The following CAMTA1 variants were observed in gnomAD, a reference collection of about 807,000 sequenced individuals.
The protein encoded by CAMTA1 is calmodulin-binding transcription activator 1.
Under a neutral mutation model 170.9 loss-of-function variants are expected in CAMTA1, and 27 were observed. The observed-to-expected ratio is 0.16, with a 90% confidence interval of 0.12 to 0.22. CAMTA1 has a LOEUF of 0.22. Ranked by LOEUF, CAMTA1 falls within the 10% of genes least tolerant of loss-of-function variation. The pLI, the probability that CAMTA1 is intolerant of heterozygous loss-of-function variation, is 1.00. For missense variants in CAMTA1, 1,619 were observed against 2,217.2 expected (o/e 0.73, Z 5.42); for synonymous variants, 833 against 891.5 (o/e 0.93, Z 1.17).
At position 7,014,167 on chromosome 1, in the gene CAMTA1, TG is replaced by T. The variant is rs1322343350; in HGVS notation, c.235-77135del. The T allele has an allele frequency of 1.3e-5, 2 of 152,312 alleles. No homozygotes were observed. The highest frequency in any genetic ancestry group is 4.8e-5 in the African/African-American group (2 of 41,456). 9.4% of individuals were successfully genotyped at this position (152,312 alleles called of 1,614,324 possible). ...GTGCCTCAGAGGGTGCCCTCAGCCGTGGCAGAAGCCACAGCCTGGGTTTGGG... is the reference window on the plus strand; with the variant it reads ...GTGCCTCAGAGGGTGCCCTCAGCCGTGCAGAAGCCACAGCCTGGGTTTGGG... On this transcript the variant is annotated intron_variant, in intron 3 of 22. Transcript: ENST00000303635. This position sits in a 1 kb window ranked among gnomAD's most constrained non-coding sequence, Gnocchi z 4.2.
chr1:7,096,439 C>T (rs1438531949), intron 4 of CAMTA1, among the ~76,000 whole-genome samples: 5 of 152,184 alleles, frequency 3.3e-5, no homozygotes, highest in Admixed American at 6.5e-5. Context: ...TCCCCACATC[C>T]GACTCTGTCT....
chr1:6,845,906 T>G (rs1201918994), intron 3 of CAMTA1, among the ~76,000 whole-genome samples: 1 of 152,206 alleles, frequency 6.6e-6, no homozygotes, highest in Non-Finnish European at 1.5e-5. Flanking sequence ...TTTAATGGAC[T>G]CACAATTCCA....
chr1:6,843,500 A>G (rs927719919), intron 3 of CAMTA1, among the ~76,000 whole-genome samples: 4 of 152,230 alleles, frequency 2.6e-5, no homozygotes, highest in Admixed American at 2.0e-4. Context: ...CAGAATAGAG[A>G]TTGGCTGTTA....
In CAMTA1 at chr1:7,476,941, G is replaced by A. The variant is rs867407263; in HGVS notation, c.510+9040G>A. On this transcript the variant is annotated intron_variant, in intron 6 of 22. Transcript: ENST00000303635. Reference sequence around the variant, plus strand: ...GGTCTGTGCTTCAGGTCAGGCCTCCGCAGCCCCCGCCATGCAGAGGGAAGG... The same window carrying A: ...GGTCTGTGCTTCAGGTCAGGCCTCCACAGCCCCCGCCATGCAGAGGGAAGG... 7.9e-5 allele frequency among the ~76,000 whole-genome samples: 12 copies of A among 152,262 alleles called. No homozygotes were observed. The South Asian group carries it at 2.3e-3, about 29-fold the overall frequency.
rs568567595 is a variant in CAMTA1, at chr1:7,033,398, T to G, written c.235-57906T>G. ...CTGTTTAATTCTCCCATATCTCTTT[T>G]TAATGTTTAATCTTCATACCCACTA... On this transcript the variant is annotated intron_variant, in intron 3 of 22. Transcript: ENST00000303635. Among the ~76,000 whole-genome samples the G allele has an allele frequency of 2.6e-5, 4 of 152,220 alleles. No individual in the cohort carries two copies. The South Asian group carries it at 8.3e-4, about 32-fold the overall frequency.
At chr1:7,491,882 G>A (rs902770642) in intron 6 of CAMTA1, among the ~76,000 whole-genome samples, 4 of 152,160 alleles carry the variant, frequency 2.6e-5, no homozygotes, top group African/African-American at 7.2e-5. Flanking sequence ...CCCTTCTGCC[G>A]AGGCTTTGGT....
chr1:7,539,864 CAGGTAGA>C (rs1486626975), intron 6 of CAMTA1, among the ~76,000 whole-genome samples: 1 of 152,190 alleles, frequency 6.6e-6, no homozygotes, highest in Non-Finnish European at 1.5e-5. Flanking sequence ...ACTAGCGGGC[CAGGTAGA>C]AGGTTGGCCT....
At chr1:7,111,904 A>G (rs998875598) in intron 4 of CAMTA1, among the ~76,000 whole-genome samples, 3 of 148,924 alleles carry the variant, frequency 2.0e-5, no homozygotes, top group Non-Finnish European at 3.0e-5. Context: ...AAAAAAAAAA[A>G]AAAAAAAACC....
rs1666338532 is a variant in CAMTA1 at position 7,249,720 on chromosome 1, C to T, written c.438+94C>T. 1 of 1,423,872 alleles carries T rather than the reference C, an allele frequency of 7.0e-7. No homozygotes were observed. Among genetic ancestry groups the T allele is most frequent in the Non-Finnish European group, 9.4e-7 (1 of 1,058,908 alleles). 88.2% of individuals were successfully genotyped at this position (1,423,872 alleles called of 1,614,324 possible). A position where few individuals can be genotyped will look rare whatever the true frequency, so the allele number is the denominator to read the frequency against. ...CTTGGAGTAATTTGATGCGAGTCAC[C>T]TCTGTCCAAAGAATTTTTGTTTGCC... On this transcript the variant is annotated intron_variant, in intron 5 of 22. Transcript: ENST00000303635. This position sits in a 1 kb window ranked among gnomAD's most constrained non-coding sequence, Gnocchi z 4.4.
chr1:7,001,415 C>T (rs922133405), intron 3 of CAMTA1, among the ~76,000 whole-genome samples: 6 of 152,244 alleles, frequency 3.9e-5, no homozygotes, highest in East Asian at 3.8e-4. Flanking sequence ...CCACTTTGCA[C>T]GCTGACCTGC....
intron 5 of CAMTA1, among the ~76,000 whole-genome samples, chr1:7,264,652 T>C (rs1235455859): frequency 6.6e-6 from 1 of 152,246 alleles, no homozygotes; most frequent in Non-Finnish European, 1.5e-5. Flanking sequence ...ATGCAGTTTA[T>C]GTTACTTCTA....
At chr1:7,640,676 T>A in intron 7 of CAMTA1, 123 bp downstream of exon 7, 1 of 1,133,858 alleles carries the variant, frequency 8.8e-7, no homozygotes. Context: ...CTTGCTGGAA[T>A]GACAGTGGCA....
chr1:7,475,342 G>C (rs978461441), intron 6 of CAMTA1, among the ~76,000 whole-genome samples: 8 of 152,140 alleles, frequency 5.3e-5, no homozygotes, highest in Admixed American at 4.6e-4. Context: ...GGCTTGGCGG[G>C]GGGGATTAGA....
intron 16 of CAMTA1, among the ~76,000 whole-genome samples, chr1:7,742,406 A>T (rs944114054): frequency 2.6e-4 from 40 of 152,154 alleles, no homozygotes; most frequent in Admixed American, 1.7e-3. Flanking sequence ...CTTATATATA[A>T]CTATATGTGT....
chr1:7,673,063 C>G lies in CAMTA1; in HGVS notation c.2779+2026C>G, dbSNP rs1289131815. On this transcript the variant is annotated intron_variant, in intron 10 of 22. Coordinates refer to ENST00000303635, the MANE Select transcript of CAMTA1 (RefSeq NM_015215.4). This position sits in a 1 kb window ranked among gnomAD's most constrained non-coding sequence, Gnocchi z 4.6. ...GCGGGGAGGGCACTGTGGAATTAAACAGTGCACCCATCATCTGCTGCCAGA... is the reference window on the plus strand; with the variant it reads ...GCGGGGAGGGCACTGTGGAATTAAAGAGTGCACCCATCATCTGCTGCCAGA... Among the ~76,000 whole-genome samples, 1 of 152,138 alleles carries G rather than the reference C, an allele frequency of 6.6e-6. No individual in the cohort carries two copies. The highest frequency in any genetic ancestry group is 1.5e-5 in the Non-Finnish European group (1 of 68,024).
At chr1:7,350,346 G>A (rs965447028) in intron 5 of CAMTA1, among the ~76,000 whole-genome samples, 2 of 152,312 alleles carry the variant, frequency 1.3e-5, no homozygotes, top group East Asian at 1.9e-4. Context: ...CCCTATACCC[G>A]CCAGGTCCCC....
intron 6 of CAMTA1, among the ~76,000 whole-genome samples, chr1:7,535,980 A>G (rs2094544533): frequency 6.6e-6 from 1 of 152,244 alleles, no homozygotes; most frequent in South Asian, 2.1e-4. Flanking sequence ...CATGAAATGC[A>G]AGGTTGCCAA....
intron 4 of CAMTA1, among the ~76,000 whole-genome samples, chr1:7,142,559 T>A (rs1487636647): frequency 6.6e-6 from 1 of 152,196 alleles, no homozygotes; most frequent in Admixed American, 6.5e-5. Context: ...ACGGGGTGGA[T>A]CCTTCATGAA....
intron 5 of CAMTA1, among the ~76,000 whole-genome samples, chr1:7,466,014 G>A (rs1030976645): frequency 7.9e-5 from 12 of 152,324 alleles, no homozygotes; most frequent in Non-Finnish European, 1.0e-4. Flanking sequence ...CCCCTCAGCC[G>A]TTGATATCTC....
Sources: allele counts gnomAD v4.1 joint callset (sites outside exome capture counted in the v4.1 genomes callset), GRCh38; gene constraint gnomAD v4.1.1; non-coding constraint Gnocchi (gnomAD v3.1); transcripts MANE v1.5; gene names NCBI Gene and HGNC (gene_info 2026-07-23, HGNC 2026-07-21).